DLG1: variants seen among roughly 807,000 people sequenced by gnomAD.
DLG1 encodes discs large MAGUK scaffold protein 1, also known as disks large homolog 1.
A neutral mutation model predicts 123.4 loss-of-function variants in DLG1; 42 were observed. The ratio of observed to expected loss-of-function variants is 0.34; its 90% CI spans 0.27 to 0.44. The LOEUF (loss-of-function observed/expected upper bound fraction) is 0.44, where lower values mean the gene tolerates loss of function less well. Ranked by LOEUF, DLG1 falls within the 20% of genes least tolerant of loss-of-function variation. The pLI is 1.00. For synonymous variants in DLG1, 317 were observed against 356.2 expected (o/e 0.89, Z 1.24); for missense variants, 942 against 1,082.6 (o/e 0.87, Z 1.82).
At chr3:197,144,837 G>A (rs566776219) in intron 6 of DLG1, among the ~76,000 whole-genome samples, 1 of 152,178 alleles carries the variant, frequency 6.6e-6, no homozygotes, top group Non-Finnish European at 1.5e-5. Flanking sequence ...TATAGAGAGA[G>A]TTGGGATTTC....
intron 5 of DLG1, among the ~76,000 whole-genome samples, chr3:197,152,865 G>A (rs1353527085): frequency 6.6e-6 from 1 of 150,710 alleles, no homozygotes; most frequent in Non-Finnish European, 1.5e-5. Context: ...TGTAGTGATT[G>A]CTGCTGTAAC....
rs1413258286 is a variant in DLG1 at position 197,297,195 on chromosome 3, G to A, written c.10C>T (p.Arg4Trp). 2 of 1,614,026 alleles carry A rather than the reference G, an allele frequency of 1.2e-6. No homozygotes were observed. Among genetic ancestry groups the A allele is most frequent in the Admixed American group, 1.7e-5 (1 of 60,012 alleles). The change falls in exon 2 of 25, where the codon CGG (arginine) becomes TGG (tryptophan). Residue 4 changes from arginine (R) to tryptophan (W), a missense_variant. Coordinates refer to ENST00000667157, the MANE Select transcript of DLG1 (RefSeq NM_001366207.1). ...CGGAATAAACTCTCACCTTGCTTCC[G>A]GACCGGCATTTTTCTCCAGAATCAG... is the stretch of plus-strand genomic sequence containing the variant. MPVRKQDTQRALHL... is the reference protein window; with the variant it reads MPVWKQDTQRALHL...
chr3:197,170,940 G>T (rs1803880285), intron 5 of DLG1, among the ~76,000 whole-genome samples: 1 of 152,150 alleles, frequency 6.6e-6, no homozygotes, highest in African/African-American at 2.4e-5. Flanking sequence ...GAGAAAATGA[G>T]ATATATGAAT....
chr3:197,074,858 T>C (rs1331489081), intron 18 of DLG1, among the ~76,000 whole-genome samples: 1 of 152,114 alleles, frequency 6.6e-6, no homozygotes, highest in African/African-American at 2.4e-5. Context: ...AAAAATGTCT[T>C]ATGTAAAATT....
At chr3:197,193,285 A>T (rs866006926) in intron 5 of DLG1, among the ~76,000 whole-genome samples, 14 of 152,170 alleles carry the variant, frequency 9.2e-5, no homozygotes, top group Non-Finnish European at 1.6e-4. Context: ...AATATATCAT[A>T]CCTCCCTAGT....
chr3:197,191,180 T>C (rs1358812355), intron 5 of DLG1, among the ~76,000 whole-genome samples: 2 of 152,138 alleles, frequency 1.3e-5, no homozygotes, highest in Admixed American at 6.5e-5. Flanking sequence ...ATCCCAGTTA[T>C]GTGAATTTTT....
intron 1 of DLG1, chr3:197,297,478 T>C (rs1778035838): frequency 9.9e-6 from 13 of 1,318,184 alleles, no homozygotes; most frequent in Non-Finnish European, 1.3e-5. Flanking sequence ...CTCGAAAGCG[T>C]CCCCTCCCCA....
chr3:197,192,687 T>C (rs1441726786), intron 5 of DLG1, among the ~76,000 whole-genome samples: 1 of 152,130 alleles, frequency 6.6e-6, no homozygotes, highest in Non-Finnish European at 1.5e-5. Flanking sequence ...TATACACATA[T>C]GAATGTACAT....
chr3:197,142,481 C>CT (rs1323915109), intron 7 of DLG1, among the ~76,000 whole-genome samples: 2 of 152,106 alleles, frequency 1.3e-5, no homozygotes, highest in African/African-American at 4.8e-5. Flanking sequence ...ACTCTTGGGA[C>CT]TATCTTTACA....
At chr3:197,170,453 G>C (rs535951714) in intron 5 of DLG1, among the ~76,000 whole-genome samples, 1 of 152,030 alleles carries the variant, frequency 6.6e-6, no homozygotes, top group Non-Finnish European at 1.5e-5. Context: ...TAGCCATTCT[G>C]AATGGTGTGA....
At position 197,085,769 on chromosome 3, in the gene DLG1, G is replaced by A. The variant is rs1159365540; in HGVS notation, c.1662-13C>T. On this transcript the variant is annotated splice_polypyrimidine_tract_variant and intron_variant, in intron 15 of 24. Transcript: ENST00000667157. ...ATCAAAAAGGGCTCTAGAGTCAGAAGAAAAAAAGTCCATAATCACTTGTTA... is the reference window on the plus strand; with the variant it reads ...ATCAAAAAGGGCTCTAGAGTCAGAAAAAAAAAAGTCCATAATCACTTGTTA... 3.8e-6 allele frequency: 6 copies of A among 1,598,202 alleles called. No individual in the cohort carries two copies. In the Admixed American group the frequency reaches 5.4e-5, roughly 14 times the overall value.
chr3:197,260,750 CAAAAAAAAAAAAA>C (rs570596943), intron 4 of DLG1, among the ~76,000 whole-genome samples: 32 of 18,320 alleles, frequency 1.7e-3, no homozygotes, highest in East Asian at 0.012. Flanking sequence ...TGACAACCAC[CAAAAAAAAAAAAA>C]AAAAAAAAAA....
rs756919203 is a variant in DLG1 at position 197,105,009 on chromosome 3, T to G, written c.1444-4A>C. Reference sequence around the variant, plus strand: ...CTCTGAGGTCAACACTGTTTACCTGTAAATCAAACCAAATCTTAATTTGGG... The same window carrying G: ...CTCTGAGGTCAACACTGTTTACCTGGAAATCAAACCAAATCTTAATTTGGG... On this transcript the variant is annotated splice_polypyrimidine_tract_variant and splice_region_variant and intron_variant, in intron 13 of 24. Coordinates refer to ENST00000667157, the MANE Select transcript of DLG1 (RefSeq NM_001366207.1). 6.4e-7 allele frequency: 1 copy of G among 1,567,020 alleles called. No individual in the cohort carries two copies. Among genetic ancestry groups the G allele is most frequent in the South Asian group, 1.2e-5 (1 of 86,414 alleles).
chr3:197,120,246 C>CA (rs1207566580), intron 11 of DLG1, among the ~76,000 whole-genome samples: 1 of 137,496 alleles, frequency 7.3e-6, no homozygotes, highest in Admixed American at 7.9e-5. Context: ...ACGTAGGTGA[C>CA]AGAGTGAGAT....
At chr3:197,114,823 C>CA (rs554931751) in intron 13 of DLG1, among the ~76,000 whole-genome samples, 4 of 151,522 alleles carry the variant, frequency 2.6e-5, no homozygotes, top group Admixed American at 2.0e-4. Flanking sequence ...TCTAAAAATA[C>CA]AAAAAAATTA....
chr3:197,183,974 T>A, intron 5 of DLG1: 1 of 1,422,976 alleles, frequency 7.0e-7, no homozygotes, highest in East Asian at 2.5e-5. Context: ...GATTTCTTCC[T>A]ATGAAAGAGC....
intron 14 of DLG1, among the ~76,000 whole-genome samples, chr3:197,102,205 G>A (rs2149284041): frequency 6.6e-6 from 1 of 152,252 alleles, no homozygotes; most frequent in Middle Eastern, 3.4e-3. Context: ...CTCATAATCA[G>A]AATCCAAGTC....
At chr3:197,276,774 A>G (rs1394612195) in intron 4 of DLG1, among the ~76,000 whole-genome samples, 1 of 152,158 alleles carries the variant, frequency 6.6e-6, no homozygotes, top group Non-Finnish European at 1.5e-5. Flanking sequence ...AAGTCCACAA[A>G]GAAATTCTAT....
chr3:197,062,083 TC>T (rs1344670881), intron 22 of DLG1, among the ~76,000 whole-genome samples: 3 of 149,742 alleles, frequency 2.0e-5, no homozygotes, highest in African/African-American at 7.7e-5. Context: ...ACTTACTTAC[TC>T]ACATACAGAT....
Sources: gnomAD v4.1 joint callset for allele counts (sites outside exome capture counted in the v4.1 genomes callset) on GRCh38, gnomAD v4.1.1 for gene constraint, MANE v1.5 for transcripts, NCBI Gene and HGNC (gene_info 2026-07-23, HGNC 2026-07-21) for gene names.